Variants in RALGAPA2 observed in about 807,000 individuals in gnomAD.
The protein encoded by RALGAPA2 is Ral GTPase activating protein catalytic subunit alpha 2, also known as ral GTPase-activating protein subunit alpha-2.
In RALGAPA2, 139 loss-of-function variants were observed where a neutral mutation model predicts 230.4. That is an observed-to-expected ratio of 0.60 (90% CI 0.53 to 0.69). The LOEUF is 0.69. RALGAPA2 is among the 30% of genes least tolerant of loss of function. RALGAPA2 has a pLI of 0.00. For missense variants in RALGAPA2, 2,163 were observed against 2,276.0 expected (o/e 0.95, Z 1.01); for synonymous variants, 847 against 837.8 (o/e 1.01, Z -0.19).
At chr20:20,511,623 C>G (rs2062707314) in intron 32 of RALGAPA2, among the ~76,000 whole-genome samples, 1 of 152,182 alleles carries the variant, frequency 6.6e-6, no homozygotes, top group Non-Finnish European at 1.5e-5. Flanking sequence ...TGCTGTGAAT[C>G]CCTTTTCCCT....
chr20:20,525,587 T>C (rs1283284716), intron 28 of RALGAPA2, among the ~76,000 whole-genome samples: 1 of 152,202 alleles, frequency 6.6e-6, no homozygotes. Flanking sequence ...GAGTTACCAC[T>C]GGATGTATAA....
intron 36 of RALGAPA2, among the ~76,000 whole-genome samples, chr20:20,482,471 G>A (rs2061802003): frequency 6.6e-6 from 1 of 152,172 alleles, no homozygotes; most frequent in Admixed American, 6.5e-5. Context: ...ACGGTGGGAA[G>A]AGCGGAGCAC....
In RALGAPA2 at chr20:20,659,746, G is replaced by A; in HGVS notation, c.271-6159C>T. 8.3e-6 allele frequency: 7 copies of A among 842,820 alleles called. No individual in the cohort carries two copies. In the South Asian group the frequency reaches 9.1e-5, roughly 11 times the overall value. The allele number at this position is 842,820 out of a possible 1,614,324, so 52.2% of individuals were successfully genotyped here. On this transcript the variant is annotated intron_variant, in intron 3 of 39. Coordinates refer to ENST00000202677, the MANE Select transcript of RALGAPA2 (RefSeq NM_020343.4). ...ATACACCTTGAAAGATGATGACACT[G>A]GGGACCATGCTCAGAATGAAGAAAA...
chr20:20,436,180 G>A (rs1026011402), intron 37 of RALGAPA2, among the ~76,000 whole-genome samples: 4 of 152,046 alleles, frequency 2.6e-5, no homozygotes, highest in Non-Finnish European at 5.9e-5. Context: ...CTCTCTCTCA[G>A]GCCACTTTGC....
Position 20,653,529 on chromosome 20 carries a change from C to T in RALGAPA2, c.328+1G>A, listed in dbSNP as rs912987463. The T allele has an allele frequency of 3.4e-6, 5 of 1,478,902 alleles. No individual in the cohort carries two copies. Among genetic ancestry groups the T allele is most frequent in the Non-Finnish European group, 3.7e-6 (4 of 1,086,114 alleles). The allele number at this position is 1,478,902 out of a possible 1,614,324, so 91.6% of individuals were successfully genotyped here. A position where few individuals can be genotyped will look rare whatever the true frequency, so the allele number is the denominator to read the frequency against. On this transcript the variant is annotated splice_donor_variant, in intron 4 of 39. Coordinates refer to ENST00000202677, the MANE Select transcript of RALGAPA2 (RefSeq NM_020343.4). LOFTEE classifies it high-confidence loss of function. ...ACTAAAAAATTTTTAATTGTTCTTACCTATACTCTGGTAATGCCATCGAAA... is the reference window on the plus strand; with the variant it reads ...ACTAAAAAATTTTTAATTGTTCTTATCTATACTCTGGTAATGCCATCGAAA...
At chr20:20,692,568 C>T (rs563730359) in intron 1 of RALGAPA2, among the ~76,000 whole-genome samples, 1 of 152,316 alleles carries the variant, frequency 6.6e-6, no homozygotes, top group South Asian at 2.1e-4. Context: ...ACTGCTGAGC[C>T]AATTATGGTG....
chr20:20,447,408 G>A (rs1419814550), intron 37 of RALGAPA2, among the ~76,000 whole-genome samples: 2 of 152,138 alleles, frequency 1.3e-5, no homozygotes, highest in African/African-American at 2.4e-5. Context: ...AGATGGTCCC[G>A]AAGAGAGGCC....
At chr20:20,436,424 C>A (rs2060613687) in intron 37 of RALGAPA2, among the ~76,000 whole-genome samples, 1 of 151,820 alleles carries the variant, frequency 6.6e-6, no homozygotes, top group Non-Finnish European at 1.5e-5. Context: ...TTTGCTCAAA[C>A]ACGTTACTTA....
intron 36 of RALGAPA2, among the ~76,000 whole-genome samples, chr20:20,478,843 T>G (rs2061709504): frequency 6.6e-6 from 1 of 151,292 alleles, no homozygotes; most frequent in African/African-American, 2.4e-5. Flanking sequence ...GCACATGTAC[T>G]CCTGGAATCT....
At chr20:20,419,160 G>C (rs1416639394) in intron 37 of RALGAPA2, among the ~76,000 whole-genome samples, 1 of 152,210 alleles carries the variant, frequency 6.6e-6, no homozygotes, top group African/African-American at 2.4e-5. Context: ...TGGAGGGGTT[G>C]TACCTGGGAG....
intron 23 of RALGAPA2, among the ~76,000 whole-genome samples, chr20:20,555,145 T>A (rs1346752786): frequency 6.6e-6 from 1 of 152,216 alleles, no homozygotes. Context: ...CATGAGAGTA[T>A]CCAGTTGTCC....
At chr20:20,699,895 T>C (rs1200101434) in intron 1 of RALGAPA2, among the ~76,000 whole-genome samples, 2 of 152,176 alleles carry the variant, frequency 1.3e-5, no homozygotes, top group African/African-American at 2.4e-5. Context: ...GAAAGCAGTT[T>C]TGAGTTTCTC....
intron 30 of RALGAPA2, among the ~76,000 whole-genome samples, chr20:20,523,970 G>A (rs183448505): frequency 1.3e-5 from 2 of 149,196 alleles, no homozygotes; most frequent in Admixed American, 6.6e-5. Context: ...TTACTTTTTT[G>A]GGGGGGGATG....
At chr20:20,688,055 A>G (rs949024115) in intron 1 of RALGAPA2, among the ~76,000 whole-genome samples, 4 of 152,126 alleles carry the variant, frequency 2.6e-5, no homozygotes, top group African/African-American at 9.7e-5. Flanking sequence ...ACAAAATAAG[A>G]CTTTCCAGAT....
At chr20:20,405,773 C>T (rs951470803) in intron 38 of RALGAPA2, among the ~76,000 whole-genome samples, 2 of 152,146 alleles carry the variant, frequency 1.3e-5, no homozygotes, top group Admixed American at 6.6e-5. Flanking sequence ...GATTTCTTGT[C>T]GGTGGCCCAC....
chr20:20,485,196 A>C (rs777278385), intron 36 of RALGAPA2, among the ~76,000 whole-genome samples: 4 of 151,750 alleles, frequency 2.6e-5, no homozygotes, highest in African/African-American at 9.7e-5. Context: ...ATTTGGGCCA[A>C]CTCCTCACTG....
In RALGAPA2 at chr20:20,527,209, C is replaced by T. The variant is rs2063230035; in HGVS notation, c.3583-847G>A. Among the ~76,000 whole-genome samples, 2 of 152,140 alleles carry T rather than the reference C, an allele frequency of 1.3e-5. 1 individual carries two copies. Among genetic ancestry groups the T allele is most frequent in the Admixed American group, 1.3e-4 (2 of 15,268 alleles). On this transcript the variant is annotated intron_variant, in intron 27 of 39. Transcript: ENST00000202677. Reference sequence around the variant, plus strand: ...TCACTCTAAGCCACATGAAGCAGACCATCATCAACTTTTAGTGCCCCAGTG... The same window carrying T: ...TCACTCTAAGCCACATGAAGCAGACTATCATCAACTTTTAGTGCCCCAGTG...
In RALGAPA2 at chr20:20,479,180, C is replaced by T. The variant is rs143430256; in HGVS notation, c.5368-6224G>A. Among the ~76,000 whole-genome samples the T allele has an allele frequency of 6.9e-3, 1,043 of 152,198 alleles. 4 individuals are homozygous for T. Among genetic ancestry groups the T allele is most frequent in the Non-Finnish European group, 0.011 (726 of 67,996 alleles). On this transcript the variant is annotated intron_variant, in intron 36 of 39. Coordinates refer to ENST00000202677, the MANE Select transcript of RALGAPA2 (RefSeq NM_020343.4). Reference sequence around the variant, plus strand: ...TAACAAGGAAAAGCCAGCTCAGAAGCCTTCACTGGCAAATTCTATAAAATC... The same window carrying T: ...TAACAAGGAAAAGCCAGCTCAGAAGTCTTCACTGGCAAATTCTATAAAATC...
chr20:20,524,533 G>A lies in RALGAPA2; in HGVS notation c.3773C>T (p.Ser1258Phe). The change falls in exon 30 of 40, where the codon TCC becomes TTC. Residue 1258 changes from serine to phenylalanine, a missense_variant. By Grantham distance (155) the Ser-to-Phe change is radical. Transcript: ENST00000202677. ...SVETDKKFIV[S>F]LLLCLLDWCM... ...CCAGTCCAAGAGGCAGAGTAGCAAG[G>A]ACACAATAAACTGGAAGAAGAACAT... 6.2e-7 allele frequency: 1 copy of A among 1,613,920 alleles called. No homozygotes were observed. The highest frequency in any genetic ancestry group is 8.5e-7 in the Non-Finnish European group (1 of 1,179,874).
Sources: allele counts gnomAD v4.1 joint callset (sites outside exome capture counted in the v4.1 genomes callset), GRCh38; gene constraint gnomAD v4.1.1; transcripts MANE v1.5; gene names NCBI Gene and HGNC (gene_info 2026-07-23, HGNC 2026-07-21).